EIF2D: variants seen among roughly 807,000 people sequenced by gnomAD.
EIF2D encodes eukaryotic translation initiation factor 2D.
Under a neutral mutation model 77.4 loss-of-function variants are expected in EIF2D, and 56 were observed. The observed-to-expected ratio is 0.72, with a 90% confidence interval of 0.58 to 0.90. The LOEUF is 0.90. Ranked by LOEUF, EIF2D falls within the 40% of genes least tolerant of loss-of-function variation. The pLI, the probability that EIF2D is intolerant of heterozygous loss-of-function variation, is 0.00. For missense variants in EIF2D, 574 were observed against 706.5 expected (o/e 0.81, Z 2.13); for synonymous variants, 230 against 271.0 (o/e 0.85, Z 1.49).
chr1:206,593,488 C>CGAGCGAGAGAGAGAGA (rs1350237249), intron 14 of EIF2D, 131 bp downstream of exon 14: 1 of 305,942 alleles, frequency 3.3e-6, no homozygotes, highest in African/African-American at 3.7e-5. Context: ...AGAGAGAGAG[C>CGAGCGAGAGAGAGAGA]GAGAGAGAGA....
chr1:206,586,911 A>G, downstream of EIF2D: 2 of 1,614,228 alleles, frequency 1.2e-6, no homozygotes, highest in Non-Finnish European at 1.7e-6. Context: ...CAAGTGCAAA[A>G]GAAGTATGAC....
At chr1:206,585,291 T>G in intron 2 of EIF2D, 1 of 1,612,902 alleles carries the variant, frequency 6.2e-7, no homozygotes, top group Non-Finnish European at 8.5e-7. Flanking sequence ...ACTGGAGAGG[T>G]AGAGGTAGGT....
intron 13 of EIF2D, 190 bp downstream of exon 13, chr1:206,595,528 G>C: frequency 2.0e-6 from 1 of 502,618 alleles, no homozygotes; most frequent in Non-Finnish European, 3.3e-6. Flanking sequence ...CTAGAGGGCA[G>C]TGAGTGAGCG....
chr1:206,612,452 CG>C lies in EIF2D; in HGVS notation c.-111del. On this transcript the variant is annotated 5_prime_UTR_variant, in exon 1 of 15. Coordinates refer to ENST00000271764, the MANE Select transcript of EIF2D (RefSeq NM_006893.3). ...CCGTGGGGGCAGCCATGCTGGGGCC[CG>C]GCCGCGAAAAGGGCCCGGCTGGAAA... 1 of 1,452,762 alleles carries C rather than the reference CG, an allele frequency of 6.9e-7. No individual in the cohort carries two copies. Among genetic ancestry groups the C allele is most frequent in the Non-Finnish European group, 9.6e-7 (1 of 1,044,074 alleles). The allele number at this position is 1,452,762 out of a possible 1,614,324, so 90.0% of individuals were successfully genotyped here.
chr1:206,581,757 G>A (rs1175010815), intron 2 of EIF2D, among the ~76,000 whole-genome samples: 1 of 152,192 alleles, frequency 6.6e-6, no homozygotes, highest in Non-Finnish European at 1.5e-5. Context: ...GGCAGCCAGA[G>A]CCTGACATTG....
downstream of EIF2D, chr1:206,591,525 T>C (rs1669336988): frequency 1.9e-6 from 1 of 525,986 alleles, no homozygotes; most frequent in South Asian, 2.5e-5. Context: ...AATGAAATCA[T>C]TGAAACCACA....
chr1:206,574,953 A>G (rs1219231400), intron 4 of EIF2D, among the ~76,000 whole-genome samples: 1 of 142,526 alleles, frequency 7.0e-6, no homozygotes, highest in African/African-American at 2.6e-5. Flanking sequence ...TCTGCCTCCC[A>G]GGTTCAAGCG....
In EIF2D at chr1:206,603,072, C is replaced by G. The variant is rs782122473; in HGVS notation, c.663G>C (p.Glu221Asp). The change falls in exon 6 of 15, where the codon GAG (glutamate) becomes GAC (aspartate). Residue 221 changes from glutamate (E) to aspartate (D), a missense_variant. By Grantham distance (45) the Glu-to-Asp change is conservative. Transcript: ENST00000271764. ...LQGDMRHMTLEGEEENGEVHQ... is the reference protein window; with the variant it reads ...LQGDMRHMTLDGEEENGEVHQ... ...GAACCTCCCCATTCTCCTCTTCCCC[C>G]TCCAGGGTCATGTGCCTCATGTCTC... is the stretch of plus-strand genomic sequence containing the variant. The G allele has an allele frequency of 2.5e-6, 4 of 1,614,100 alleles. No individual in the cohort carries two copies. Among genetic ancestry groups the G allele is most frequent in the Non-Finnish European group, 3.4e-6 (4 of 1,180,056 alleles).
intron 1 of EIF2D, 32 bp from the exon 2 acceptor site, chr1:206,611,406 G>A: frequency 1.3e-6 from 2 of 1,567,124 alleles, no homozygotes; most frequent in Non-Finnish European, 1.7e-6. Flanking sequence ...TGTGAATGCT[G>A]CCTGGACAGA....
At chr1:206,582,660 A>C (rs554236343) in intron 2 of EIF2D, among the ~76,000 whole-genome samples, 149 of 152,334 alleles carry the variant, frequency 9.8e-4, no homozygotes, top group Admixed American at 2.6e-3. Flanking sequence ...CGTTCATTTG[A>C]CAAATAGATA....
Position 206,607,570 on chromosome 1 carries a change from G to A in EIF2D, c.422+666C>T, listed in dbSNP as rs192205540. On this transcript the variant is annotated intron_variant, in intron 4 of 14. Coordinates refer to ENST00000271764, the MANE Select transcript of EIF2D (RefSeq NM_006893.3). ...AGCCAACAATCTGAGACCAGCCTGAGCAACAGAGTGAGATCCTGTCTGTAT... is the reference window on the plus strand; with the variant it reads ...AGCCAACAATCTGAGACCAGCCTGAACAACAGAGTGAGATCCTGTCTGTAT... Among the ~76,000 whole-genome samples the A allele has an allele frequency of 1.5e-3, 235 of 152,228 alleles. 2 individuals carry two copies. Among genetic ancestry groups the A allele is most frequent in the Admixed American group, 5.5e-3 (84 of 15,286 alleles).
intron 5 of EIF2D, among the ~76,000 whole-genome samples, chr1:206,603,924 T>C (rs1047654813): frequency 6.6e-6 from 1 of 152,184 alleles, no homozygotes; most frequent in African/African-American, 2.4e-5. Flanking sequence ...GTTTAGGCTA[T>C]TCTGATCAGG....
chr1:206,586,728 A>T (rs1394180024), downstream of EIF2D: 2 of 913,380 alleles, frequency 2.2e-6, no homozygotes, highest in African/African-American at 3.3e-5. Context: ...ACGGATGTGA[A>T]CTGGGAAGGG....
At chr1:206,574,345 A>T (rs1668556532) in intron 4 of EIF2D, among the ~76,000 whole-genome samples, 1 of 151,778 alleles carries the variant, frequency 6.6e-6, no homozygotes, top group Admixed American at 6.6e-5. Context: ...TCACCTGCAG[A>T]CTCCCAAGGA....
intron 5 of EIF2D, 65 bp downstream of exon 5, chr1:206,605,335 C>G: frequency 7.7e-7 from 1 of 1,292,792 alleles, no homozygotes; most frequent in Non-Finnish European, 1.1e-6. Context: ...ACTCCTGAAT[C>G]ACAGGCCCCA....
intron 4 of EIF2D, among the ~76,000 whole-genome samples, chr1:206,606,439 A>G (rs1202515512): frequency 1.5e-4 from 23 of 152,090 alleles, no homozygotes; most frequent in African/African-American, 5.6e-4. Flanking sequence ...ACAACCCCTC[A>G]TATCATTACC....
chr1:206,597,115 T>C lies in EIF2D; in HGVS notation c.1373A>G (p.Asp458Gly). ...TGCTCGTTACCTGGTCAGAAGACTG[T>C]CCCATGGAAGCTTCATGACTGTATG... is the stretch of plus-strand genomic sequence containing the variant. ...EQHTVMKLPW[D>G]SLLTRCLEKL... The change falls in exon 12 of 15, where the codon GAC (aspartate) becomes GGC (glycine). Residue 458 changes from aspartate (D) to glycine (G), a missense_variant. Asp to Gly is a moderately conservative substitution (Grantham distance 94). Coordinates refer to ENST00000271764, the MANE Select transcript of EIF2D (RefSeq NM_006893.3). The C allele has an allele frequency of 1.2e-6, 2 of 1,613,944 alleles. No homozygotes were observed. Among genetic ancestry groups the C allele is most frequent in the Non-Finnish European group, 1.7e-6 (2 of 1,179,872 alleles).
At chr1:206,591,976 G>A (rs1293800748) in intron 14 of EIF2D, 131 bp from the exon 15 acceptor site, 12 of 789,402 alleles carry the variant, frequency 1.5e-5, no homozygotes, top group East Asian at 2.5e-5. Context: ...GACCACTTAC[G>A]CCTACACCTC....
At position 206,591,689 on chromosome 1, in the gene EIF2D, T is replaced by C. The variant is rs545915442; in HGVS notation, c.*86A>G. 1 of 1,210,430 alleles carries C rather than the reference T, an allele frequency of 8.3e-7. No homozygotes were observed. The highest frequency in any genetic ancestry group is 1.9e-5 in the Admixed American group (1 of 51,686). The allele number at this position is 1,210,430 out of a possible 1,614,324, so 75.0% of individuals were successfully genotyped here. ...TTTTTGTAAAGAATTATATTTTGTA[T>C]TTGCAAAAGCTGAAAATGCTCATAA... On this transcript the variant is annotated 3_prime_UTR_variant, in exon 15 of 15. Coordinates refer to ENST00000271764, the MANE Select transcript of EIF2D (RefSeq NM_006893.3).
Sources: allele counts gnomAD v4.1 joint callset (sites outside exome capture counted in the v4.1 genomes callset), GRCh38; gene constraint gnomAD v4.1.1; transcripts MANE v1.5; gene names NCBI Gene and HGNC (gene_info 2026-07-23, HGNC 2026-07-21).